Variants in VPS8 observed in about 807,000 individuals in gnomAD.
VPS8 encodes the protein VPS8 subunit of CORVET complex, also known as vacuolar protein sorting-associated protein 8 homolog.
VPS8 carries 129 observed loss-of-function variants against 216.4 expected under a neutral mutation model. The observed-to-expected ratio is 0.60, with a 90% CI of 0.52 to 0.69. The LOEUF (loss-of-function observed/expected upper bound fraction) is 0.69. VPS8 is among the 30% of genes least tolerant of loss of function. VPS8 has a pLI of 0.00. For synonymous variants in VPS8, 571 were observed against 565.4 expected, an observed-to-expected ratio of 1.01 and a Z score of -0.14; for missense variants, 1,531 against 1,683.5, an observed-to-expected ratio of 0.91 and a Z score of 1.59.
In VPS8 at chr3:184,928,538, G is replaced by A; in HGVS notation, c.2714+5G>A. ...GATGGCAGAAAAAGCTGAGTTGTAA[G>A]TTGTTTTGAGGCTGTATATTAGTTT... On this transcript the variant is annotated splice_donor_5th_base_variant and intron_variant, in intron 32 of 47. Coordinates refer to ENST00000625842, the MANE Select transcript of VPS8 (RefSeq NM_001009921.3). 1 of 1,501,004 alleles carries A rather than the reference G, an allele frequency of 6.7e-7. No homozygotes were observed. Among genetic ancestry groups the A allele is most frequent in the Non-Finnish European group, 8.8e-7 (1 of 1,135,934 alleles). The allele number at this position is 1,501,004 out of a possible 1,614,324, so 93.0% of individuals were successfully genotyped here.
At chr3:184,912,557 C>CT (rs1736755615) in intron 25 of VPS8, among the ~76,000 whole-genome samples, 1 of 151,806 alleles carries the variant, frequency 6.6e-6, no homozygotes, top group Admixed American at 6.6e-5. Context: ...GATTCTGAGA[C>CT]TTTATTTTTC....
At chr3:185,047,671 C>T (rs903495017) in intron 46 of VPS8, among the ~76,000 whole-genome samples, 3 of 152,192 alleles carry the variant, frequency 2.0e-5, no homozygotes, top group Admixed American at 1.3e-4. Flanking sequence ...GCAGGCGACA[C>T]TTTAAATATA....
rs932351790 is a variant in VPS8 at position 184,941,655 on chromosome 3, G to A, written c.3035+1412G>A. On this transcript the variant is annotated intron_variant, in intron 36 of 47. Transcript: ENST00000625842. Reference sequence around the variant, plus strand: ...AAGGAAACGCCAGCCCCACTTCTCAGCCCTTTCTCCAGAGCCTGCCCACCT... The same window carrying A: ...AAGGAAACGCCAGCCCCACTTCTCAACCCTTTCTCCAGAGCCTGCCCACCT... Among the ~76,000 whole-genome samples, 3 of 152,112 alleles carry A rather than the reference G, an allele frequency of 2.0e-5. No individual in the cohort carries two copies. The East Asian group carries it at 5.8e-4, about 29-fold the overall frequency.
intron 11 of VPS8, 69 bp downstream of exon 11, chr3:184,852,636 C>T: frequency 6.9e-7 from 1 of 1,458,290 alleles, no homozygotes; most frequent in South Asian, 1.2e-5. Flanking sequence ...TGAAATTGAA[C>T]ATGAAGAGGA....
At chr3:184,997,230 A>T (rs1297902125) in intron 44 of VPS8, among the ~76,000 whole-genome samples, 1 of 152,176 alleles carries the variant, frequency 6.6e-6, no homozygotes, top group Non-Finnish European at 1.5e-5. Flanking sequence ...GAATGTATGG[A>T]TAGAGGTAAC....
Position 184,957,293 on chromosome 3 carries a change from CTT to C in VPS8, c.3036-77_3036-76del, listed in dbSNP as rs1257742868. The C allele has an allele frequency of 5.7e-6, 8 of 1,412,932 alleles. No individual in the cohort carries two copies. The East Asian group carries it at 1.5e-4, about 26-fold the overall frequency. 87.5% of individuals were successfully genotyped at this position (1,412,932 alleles called of 1,614,324 possible). A position where few individuals can be genotyped will look rare whatever the true frequency, so the allele number is the denominator to read the frequency against. ...GTAGTCCTAGTTTTAATGTAATGTG[CTT>C]TTTACTGGTAGCTTTTAATTATAGA... On this transcript the variant is annotated intron_variant, in intron 36 of 47. Coordinates refer to ENST00000625842, the MANE Select transcript of VPS8 (RefSeq NM_001009921.3).
At chr3:184,865,364 A>G (rs1053163443) in intron 16 of VPS8, among the ~76,000 whole-genome samples, 13 of 152,228 alleles carry the variant, frequency 8.5e-5, no homozygotes, top group African/African-American at 3.1e-4. Context: ...GAAAAATTTT[A>G]AAGCAACCAG....
At chr3:185,011,292 A>C (rs745319474) in intron 45 of VPS8, among the ~76,000 whole-genome samples, 2 of 152,342 alleles carry the variant, frequency 1.3e-5, no homozygotes, top group East Asian at 3.9e-4. Context: ...CCTTGAAAGA[A>C]GGGAAGCAAA....
rs747478653 is a variant in VPS8, at chr3:184,849,125, A to G, written c.596A>G (p.Tyr199Cys). The change falls in exon 9 of 48, where the codon TAT (tyrosine) becomes TGT (cysteine). Residue 199 changes from tyrosine (Y) to cysteine (C), a missense_variant. Coordinates refer to ENST00000625842, the MANE Select transcript of VPS8 (RefSeq NM_001009921.3). ...GGTAGCACTAGTGTTGGAGGTCAGTATGGCGCTATCTCTGCCCTCAGTATC... is the reference window on the plus strand; with the variant it reads ...GGTAGCACTAGTGTTGGAGGTCAGTGTGGCGCTATCTCTGCCCTCAGTATC... Reference protein sequence around the residue: ...CLGSTSVGGQYGAISALSINN... With the variant: ...CLGSTSVGGQCGAISALSINN... The G allele has an allele frequency of 1.2e-6, 2 of 1,613,666 alleles. No homozygotes were observed. The highest frequency in any genetic ancestry group is 2.2e-5 in the East Asian group (1 of 44,858).
chr3:184,836,192 TAG>T (rs1721054549), intron 5 of VPS8: 1 of 449,440 alleles, frequency 2.2e-6, no homozygotes, highest in African/African-American at 2.0e-5. Flanking sequence ...TGAATTTAAA[TAG>T]AGAGATGCTC....
At chr3:184,999,560 T>C in intron 44 of VPS8, 136 bp from the exon 45 acceptor site, 1 of 1,059,710 alleles carries the variant, frequency 9.4e-7, no homozygotes. Flanking sequence ...ATTCCCTTTC[T>C]TGTTTCTTAC....
chr3:184,942,756 T>C (rs1043147684), intron 36 of VPS8, among the ~76,000 whole-genome samples: 1 of 152,234 alleles, frequency 6.6e-6, no homozygotes, highest in Non-Finnish European at 1.5e-5. Flanking sequence ...TATTTTTGAA[T>C]TTAATGTTTG....
chr3:184,888,461 GAT>G (rs1481268553), intron 22 of VPS8, among the ~76,000 whole-genome samples: 1 of 152,142 alleles, frequency 6.6e-6, no homozygotes, highest in Non-Finnish European at 1.5e-5. Flanking sequence ...AAAGCGCCAT[GAT>G]ATGTCTGCTA....
At chr3:184,845,960 T>G (rs1723051071) in intron 8 of VPS8, among the ~76,000 whole-genome samples, 1 of 152,186 alleles carries the variant, frequency 6.6e-6, no homozygotes, top group Non-Finnish European at 1.5e-5. Flanking sequence ...CTGAATTGGT[T>G]CCTTTGTGCA....
At chr3:185,041,874 C>T (rs1170173472) in intron 46 of VPS8, among the ~76,000 whole-genome samples, 2 of 152,140 alleles carry the variant, frequency 1.3e-5, no homozygotes, top group Non-Finnish European at 2.9e-5. Context: ...GCTCCCACTT[C>T]TTCATACAGT....
chr3:184,982,720 A>G, intron 41 of VPS8, 73 bp downstream of exon 41: 2 of 1,244,634 alleles, frequency 1.6e-6, no homozygotes, highest in Non-Finnish European at 2.3e-6. Flanking sequence ...AGAAACTATC[A>G]GTATAATATC....
At chr3:184,912,231 G>A (rs554314743) in intron 25 of VPS8, among the ~76,000 whole-genome samples, 41 of 152,280 alleles carry the variant, frequency 2.7e-4, no homozygotes, top group African/African-American at 9.6e-4. Context: ...GTCTCAAAGT[G>A]TGGCGTTTTT....
chr3:185,000,275 T>C (rs1577110272), intron 45 of VPS8, among the ~76,000 whole-genome samples: 1 of 152,348 alleles, frequency 6.6e-6, no homozygotes, highest in South Asian at 2.1e-4. Flanking sequence ...CATACACATA[T>C]GCTCTTTCAC....
chr3:184,957,310 T>C, intron 36 of VPS8, 64 bp from the exon 37 acceptor site: 1 of 1,499,840 alleles, frequency 6.7e-7, no homozygotes, highest in Non-Finnish European at 9.0e-7. Flanking sequence ...CTGGTAGCTT[T>C]TAATTATAGA....
Sources: gnomAD v4.1 joint callset for allele counts (sites outside exome capture counted in the v4.1 genomes callset) on GRCh38, gnomAD v4.1.1 for gene constraint, MANE v1.5 for transcripts, NCBI Gene and HGNC (gene_info 2026-07-23, HGNC 2026-07-21) for gene names.